SPTAN1: variants seen among roughly 807,000 people sequenced by gnomAD.
SPTAN1 encodes the protein spectrin alpha, non-erythrocytic 1.
Under a neutral mutation model 331.3 loss-of-function variants are expected in SPTAN1, and 61 were observed. That is an observed-to-expected ratio of 0.18 (90% CI 0.15 to 0.23). The LOEUF (loss-of-function observed/expected upper bound fraction) is 0.23, where lower values mean the gene tolerates loss of function less well. Ranked by LOEUF, SPTAN1 falls within the 10% of genes least tolerant of loss-of-function variation. The pLI, the probability that SPTAN1 is intolerant of heterozygous loss-of-function variation, is 1.00. For synonymous variants in SPTAN1, 1,153 were observed against 1,173.9 expected (o/e 0.98, Z 0.36); for missense variants, 2,043 against 3,147.9 (o/e 0.65, Z 8.40).
intron 45 of SPTAN1, among the ~76,000 whole-genome samples, chr9:128,623,427 A>G (rs188021276): frequency 6.6e-6 from 1 of 151,438 alleles, no homozygotes; most frequent in East Asian, 2.0e-4. Flanking sequence ...ATACTAATGA[A>G]TATATCATCT....
chr9:128,583,682 A>C (rs1852219971), intron 15 of SPTAN1, 106 bp from the exon 16 acceptor site: 2 of 1,215,508 alleles, frequency 1.6e-6, no homozygotes, highest in African/African-American at 3.0e-5. Flanking sequence ...TGAAGGAATA[A>C]AATTCTGACC....
Position 128,584,525 on chromosome 9 carries a change from G to A in SPTAN1, c.2437G>A (p.Gly813Ser). The A allele has an allele frequency of 6.2e-7, 1 of 1,614,116 alleles. No homozygotes were observed. Among genetic ancestry groups the A allele is most frequent in the Non-Finnish European group, 8.5e-7 (1 of 1,180,014 alleles). The part of the protein sequence containing the change: ...KEPIAASTNR[G>S]KDLIGVQNLL... ...GCCCATTGCCGCATCTACCAACAGA[G>A]GTCAGTCTGCTTCCCTCAGGTAGGA... Residue 813 changes from glycine to serine, a missense_variant and splice_region_variant, in exon 17 of 57, where the codon GGT becomes AGT. This residue lies in a region of SPTAN1 where 1,038 missense variants were observed against 1,531.5 expected (regional missense o/e 0.68). Transcript: ENST00000372739.
intron 34 of SPTAN1, among the ~76,000 whole-genome samples, chr9:128,608,496 C>T (rs1026888623): frequency 3.3e-5 from 5 of 152,098 alleles, no homozygotes; most frequent in African/African-American, 1.2e-4. Flanking sequence ...GGATGGAAAA[C>T]AAATGTGTGG....
At chr9:128,567,056 A>G in intron 2 of SPTAN1, 79 bp downstream of exon 2, 1 of 1,593,502 alleles carries the variant, frequency 6.3e-7, no homozygotes, top group Admixed American at 1.7e-5. Context: ...GAGGAAAGTT[A>G]CTTAATTATG....
At chr9:128,586,448 A>G (rs145636327) in intron 19 of SPTAN1, among the ~76,000 whole-genome samples, 2 of 152,014 alleles carry the variant, frequency 1.3e-5, no homozygotes, top group African/African-American at 2.4e-5. Flanking sequence ...TTCACTTTTT[A>G]TTATGAAAAT....
intron 1 of SPTAN1, among the ~76,000 whole-genome samples, chr9:128,561,026 A>AAG (rs1342236516): frequency 1.1e-3 from 159 of 150,036 alleles, no homozygotes; most frequent in African/African-American, 3.8e-3. Context: ...AAAAAAAAAA[A>AAG]AAAAAAAAAG....
At chr9:128,624,649 G>C in intron 46 of SPTAN1, 162 bp downstream of exon 46, 1 of 913,318 alleles carries the variant, frequency 1.1e-6, no homozygotes, top group Non-Finnish European at 1.7e-6. Context: ...GGAGGAGACA[G>C]TGTCCTGAGG....
At chr9:128,616,621 G>A (rs1346090704) in intron 41 of SPTAN1, among the ~76,000 whole-genome samples, 1 of 151,194 alleles carries the variant, frequency 6.6e-6, no homozygotes, top group Non-Finnish European at 1.5e-5. Flanking sequence ...ACAAAAATTA[G>A]CCAGGTGTGG....
chr9:128,562,900 G>A (rs1337009101), intron 1 of SPTAN1, among the ~76,000 whole-genome samples: 1 of 150,362 alleles, frequency 6.7e-6, no homozygotes, highest in Admixed American at 6.7e-5. Flanking sequence ...AGGAGGTGGA[G>A]CTTGCAGTGA....
chr9:128,618,910 T>C lies in SPTAN1; in HGVS notation c.5640T>C (p.Phe1880=), dbSNP rs767275278. The C allele has an allele frequency of 1.2e-6, 2 of 1,614,160 alleles. No individual in the cohort carries two copies. Among genetic ancestry groups the C allele is most frequent in the Non-Finnish European group, 1.7e-6 (2 of 1,180,024 alleles). The change falls in exon 44 of 57, where the codon TTT becomes TTC. Residue 1880 remains phenylalanine (F), a synonymous_variant. Coordinates refer to ENST00000372739, the MANE Select transcript of SPTAN1 (RefSeq NM_001130438.3). ...AAGAGTCCTTGGAATATCAGCAGTT[T>C]GTAGCCAATGTGGAAGAGGAAGAAG... is the stretch of plus-strand genomic sequence containing the variant. ...RLEESLEYQQ[F]VANVEEEEAW...
chr9:128,588,686 G>T, intron 20 of SPTAN1, 123 bp from the exon 21 acceptor site: 1 of 1,365,268 alleles, frequency 7.3e-7, no homozygotes, highest in Non-Finnish European at 1.0e-6. Context: ...CTTCAGTGAA[G>T]AATTCTCATG....
intron 10 of SPTAN1, 117 bp downstream of exon 10, chr9:128,579,855 C>G: frequency 1.2e-6 from 1 of 868,492 alleles, no homozygotes; most frequent in Non-Finnish European, 1.9e-6. Flanking sequence ...ATGTGAGAAA[C>G]TTTCCTTTCT....
chr9:128,567,086 G>A (rs913196475), intron 2 of SPTAN1, 109 bp downstream of exon 2: 19 of 1,480,924 alleles, frequency 1.3e-5, no homozygotes, highest in Non-Finnish European at 1.6e-5. Flanking sequence ...GATTGGACAA[G>A]AAGAATATAA....
Position 128,584,855 on chromosome 9 carries a change from G to T in SPTAN1, c.2560+12G>T. On this transcript the variant is annotated intron_variant, in intron 18 of 56. Transcript: ENST00000372739. ...CATGGTGGAGGAAGGTGAGTGATTG[G>T]TATCAGTGACATGGCTTGGTGCTGC... 1 of 1,614,172 alleles carries T rather than the reference G, an allele frequency of 6.2e-7. No homozygotes were observed. Among genetic ancestry groups the T allele is most frequent in the Non-Finnish European group, 8.5e-7 (1 of 1,180,042 alleles).
At chr9:128,619,056 T>G in intron 44 of SPTAN1, 53 bp downstream of exon 44, 1 of 1,611,598 alleles carries the variant, frequency 6.2e-7, no homozygotes, top group Non-Finnish European at 8.5e-7. Context: ...AACTGCCTGC[T>G]GGTCATCATT....
intron 3 of SPTAN1, among the ~76,000 whole-genome samples, chr9:128,573,507 A>C: frequency 6.6e-6 from 1 of 152,158 alleles, no homozygotes; most frequent in East Asian, 1.9e-4. Flanking sequence ...CCAAAGCTGG[A>C]GTTCAATGGC....
rs1200050408 is a variant in SPTAN1, at chr9:128,589,116, C to T, written c.3006+173C>T. 2.0e-5 allele frequency among the ~76,000 whole-genome samples: 3 copies of T among 152,060 alleles called. No individual in the cohort carries two copies. The East Asian group carries it at 5.8e-4, about 29-fold the overall frequency. On this transcript the variant is annotated intron_variant, in intron 21 of 56. Transcript: ENST00000372739. ...TACATTTATGCAGTACTGTGTATGA[C>T]CAAGAAGTTAATCTGTCTTCTTGAA...
At position 128,591,629 on chromosome 9, in the gene SPTAN1, AGGATGACACTGGGG is replaced by A. The variant is rs1853540245; in HGVS notation, c.3155+6_3155+19del. ...GGCAGGAGCAGATTGACAATCAGTA[AGGATGACACTGGGG>A]GCCGCAAGGGCTAGGCGTCCCATAG... On this transcript the variant is annotated splice_donor_5th_base_variant and intron_variant, in intron 22 of 56. Transcript: ENST00000372739. The A allele has an allele frequency of 1.2e-6, 2 of 1,613,808 alleles. No homozygotes were observed. Among genetic ancestry groups the A allele is most frequent in the South Asian group, 2.2e-5 (2 of 91,080 alleles).
intron 3 of SPTAN1, 79 bp downstream of exon 3, chr9:128,568,976 G>T: frequency 1.9e-6 from 3 of 1,597,044 alleles, no homozygotes; most frequent in Non-Finnish European, 2.6e-6. Context: ...GTCAGTTTGG[G>T]TTCCCAAAAA....
Sources: gnomAD v4.1 joint callset for allele counts (sites outside exome capture counted in the v4.1 genomes callset) on GRCh38, gnomAD v4.1.1 for gene constraint, gnomAD v4.1.1 regional missense constraint, MANE v1.5 for transcripts, NCBI Gene and HGNC (gene_info 2026-07-23, HGNC 2026-07-21) for gene names.